The following PLEKHA7 variants were observed in gnomAD, a reference collection of about 807,000 sequenced individuals.
The protein encoded by PLEKHA7 is pleckstrin homology domain containing A7.
In PLEKHA7, 104 loss-of-function variants were observed where a neutral mutation model predicts 170.0. The ratio of observed to expected loss-of-function variants is 0.61; its 90% confidence interval spans 0.52 to 0.72. The LOEUF (loss-of-function observed/expected upper bound fraction) is 0.72. Ranked by LOEUF, PLEKHA7 falls within the 30% of genes least tolerant of loss-of-function variation. PLEKHA7 has a pLI of 0.00. For synonymous variants in PLEKHA7, 648 were observed against 660.8 expected (o/e 0.98, Z 0.30); for missense variants, 1,615 against 1,671.7 (o/e 0.97, Z 0.59).
At chr11:16,972,494 C>A (rs1254217198) in intron 3 of PLEKHA7, among the ~76,000 whole-genome samples, 1 of 152,100 alleles carries the variant, frequency 6.6e-6, no homozygotes, top group African/African-American at 2.4e-5. Context: ...TCACTGCAGC[C>A]TCCATCTCCA....
intron 3 of PLEKHA7, among the ~76,000 whole-genome samples, chr11:16,990,595 A>G (rs958114194): frequency 2.0e-5 from 3 of 152,182 alleles, no homozygotes; most frequent in African/African-American, 7.2e-5. Context: ...AAATGGGCAC[A>G]CCATTATCAA....
intron 3 of PLEKHA7, among the ~76,000 whole-genome samples, chr11:16,879,610 GAGGGGCA>G (rs1565059723): frequency 6.6e-6 from 1 of 152,186 alleles, no homozygotes; most frequent in Non-Finnish European, 1.5e-5. Context: ...CCCCCCACCT[GAGGGGCA>G]GTTAGTAACC....
chr11:16,882,772 C>A (rs1423203699), intron 3 of PLEKHA7, among the ~76,000 whole-genome samples: 1 of 152,124 alleles, frequency 6.6e-6, no homozygotes, highest in African/African-American at 2.4e-5. Context: ...TAATCACCCC[C>A]ACAGAATAGT....
intron 3 of PLEKHA7, among the ~76,000 whole-genome samples, chr11:16,981,419 C>T (rs1863418285): frequency 6.6e-6 from 1 of 152,150 alleles, no homozygotes; most frequent in South Asian, 2.1e-4. Context: ...AGCCAGTGTT[C>T]CTGACCACCC....
chr11:16,852,348 G>C lies in PLEKHA7; in HGVS notation c.530C>G (p.Ser177Cys). 1.2e-6 allele frequency: 2 copies of C among 1,613,872 alleles called. No homozygotes were observed. The highest frequency in any genetic ancestry group is 1.1e-5 in the South Asian group (1 of 91,050). Residue 177 changes from serine (S) to cysteine (C), a missense_variant, in exon 7 of 27, where the codon TCT becomes TGT. Physicochemically the swap from Ser to Cys is moderately radical, Grantham distance 112. Transcript: ENST00000531066. ...VRGWLHKQDS[S>C]GMRLWKRRWF... ...CCTCCTTTTCCACAGCCTCATCCCA[G>C]AACTGTCCTGCAAAGCAAAGAAAAC...
chr11:16,935,918 C>A (rs1261553404), intron 3 of PLEKHA7, among the ~76,000 whole-genome samples: 1 of 152,146 alleles, frequency 6.6e-6, no homozygotes, highest in Non-Finnish European at 1.5e-5. Flanking sequence ...GACTTGCAAC[C>A]TTGTGGAAGA....
intron 3 of PLEKHA7, among the ~76,000 whole-genome samples, chr11:16,933,044 G>T (rs1447658033): frequency 6.6e-6 from 1 of 152,192 alleles, no homozygotes; most frequent in Non-Finnish European, 1.5e-5. Context: ...AATCTGATTT[G>T]CTTTTCAAAA....
At chr11:16,881,332 C>T (rs950194644) in intron 3 of PLEKHA7, 1 of 152,210 alleles carries the variant, frequency 6.6e-6, no homozygotes, top group Admixed American at 6.5e-5. Context: ...AGCTGCACCA[C>T]CTTATTAAAT....
chr11:16,834,896 G>A (rs1033050821), intron 9 of PLEKHA7, among the ~76,000 whole-genome samples: 5 of 152,170 alleles, frequency 3.3e-5, no homozygotes, highest in African/African-American at 7.2e-5. Flanking sequence ...CTCACAGCAC[G>A]TGGCGTGGGA....
chr11:16,829,992 TTTC>T (rs1850982045), intron 9 of PLEKHA7, among the ~76,000 whole-genome samples: 1 of 152,070 alleles, frequency 6.6e-6, no homozygotes, highest in Non-Finnish European at 1.5e-5. Context: ...TTTTTTTCTT[TTTC>T]TGATACAGGG....
intron 4 of PLEKHA7, among the ~76,000 whole-genome samples, chr11:16,866,966 C>T (rs545938877): frequency 2.7e-4 from 41 of 152,212 alleles, no homozygotes; most frequent in African/African-American, 9.6e-4. Context: ...GAGAAGTCAC[C>T]ATGGGATGGG....
intron 3 of PLEKHA7, among the ~76,000 whole-genome samples, chr11:17,005,750 G>A (rs1864953431): frequency 6.6e-6 from 1 of 152,138 alleles, no homozygotes. Flanking sequence ...TTGGAGATGT[G>A]GTATAAATCA....
intron 3 of PLEKHA7, among the ~76,000 whole-genome samples, chr11:16,903,215 G>C (rs1457020531): frequency 6.6e-6 from 1 of 152,192 alleles, no homozygotes; most frequent in Non-Finnish European, 1.5e-5. Flanking sequence ...TGACTGAACA[G>C]GAAGGAAGGA....
intron 3 of PLEKHA7, among the ~76,000 whole-genome samples, chr11:17,003,181 G>A (rs1021025120): frequency 2.6e-5 from 4 of 152,010 alleles, no homozygotes; most frequent in African/African-American, 9.7e-5. Flanking sequence ...AGTAGAGATG[G>A]GGTTTCTCCA....
intron 3 of PLEKHA7, among the ~76,000 whole-genome samples, chr11:16,903,918 A>G (rs1857495607): frequency 6.6e-6 from 1 of 152,202 alleles, no homozygotes; most frequent in Non-Finnish European, 1.5e-5. Context: ...CTCTTCCTTC[A>G]GAGACTGGAA....
In PLEKHA7 at chr11:16,787,348, C is replaced by T. The variant is rs145303750; in HGVS notation, c.3358-961G>A. ...ATTGTCTTTGATGCCTCAAGTCCCT[C>T]CAGAACCCCAAACCCAGAGCCATAT... On this transcript the variant is annotated intron_variant, in intron 23 of 26. Transcript: ENST00000531066. 8.8e-6 allele frequency: 4 copies of T among 456,514 alleles called. No individual in the cohort carries two copies. The South Asian group carries it at 2.8e-4, about 32-fold the overall frequency. 28.3% of individuals were successfully genotyped at this position (456,514 alleles called of 1,614,324 possible).
intron 7 of PLEKHA7, 62 bp downstream of exon 7, chr11:16,852,221 C>G: frequency 2.0e-6 from 3 of 1,470,050 alleles, no homozygotes; most frequent in Admixed American, 3.4e-5. Flanking sequence ...CTGAAGTCAC[C>G]AACCATCCAC....
At chr11:16,946,910 A>C (rs1223924533) in intron 3 of PLEKHA7, among the ~76,000 whole-genome samples, 6 of 152,142 alleles carry the variant, frequency 3.9e-5, no homozygotes, top group African/African-American at 1.4e-4. Flanking sequence ...TTCAAGTTTA[A>C]AAACTCTCAT....
intron 3 of PLEKHA7, among the ~76,000 whole-genome samples, chr11:16,883,274 C>A (rs944757596): frequency 2.0e-5 from 3 of 152,126 alleles, no homozygotes; most frequent in African/African-American, 7.2e-5. Flanking sequence ...ACAGGAAATG[C>A]GAGGAGCTTA....
Sources: allele counts gnomAD v4.1 joint callset (sites outside exome capture counted in the v4.1 genomes callset), GRCh38; gene constraint gnomAD v4.1.1; transcripts MANE v1.5; gene names NCBI Gene and HGNC (gene_info 2026-07-23, HGNC 2026-07-21).